Variants in DNAH11 observed in about 807,000 individuals in gnomAD.
The protein encoded by DNAH11 is dynein axonemal heavy chain 11.
A neutral mutation model predicts 526.0 loss-of-function variants in DNAH11; 442 were observed. The ratio of observed to expected loss-of-function variants is 0.84; its 90% CI spans 0.78 to 0.91. DNAH11 has a LOEUF of 0.91. Ranked by LOEUF, DNAH11 falls within the 40% of genes least tolerant of loss-of-function variation. The pLI is 0.00. For synonymous variants in DNAH11, 2,461 were observed against 1,935.9 expected, an observed-to-expected ratio of 1.27 and a Z score of -7.12; for missense variants, 6,989 against 5,448.7, an observed-to-expected ratio of 1.28 and a Z score of -8.90.
intron 2 of DNAH11, among the ~76,000 whole-genome samples, chr7:21,555,451 A>C (rs1473234934): frequency 6.6e-6 from 1 of 152,132 alleles, no homozygotes; most frequent in Non-Finnish European, 1.5e-5. Flanking sequence ...TTTGTGTCCA[A>C]GCTTTTCCCT....
chr7:21,602,371 A>T (rs777401008), intron 18 of DNAH11, among the ~76,000 whole-genome samples: 5 of 152,048 alleles, frequency 3.3e-5, no homozygotes, highest in Non-Finnish European at 7.4e-5. Flanking sequence ...AAATAAATGA[A>T]ACTCAATTTG....
chr7:21,708,650 C>A (rs1436148797), intron 40 of DNAH11, among the ~76,000 whole-genome samples: 2 of 152,166 alleles, frequency 1.3e-5, no homozygotes, highest in Non-Finnish European at 2.9e-5. Context: ...ATCCCACCAT[C>A]CCTGACTTCA....
intron 35 of DNAH11, among the ~76,000 whole-genome samples, chr7:21,694,568 A>G (rs1431435807): frequency 6.6e-6 from 1 of 152,144 alleles, no homozygotes; most frequent in East Asian, 1.9e-4. Flanking sequence ...CATGGTGTGT[A>G]TGTGCCACAT....
At chr7:21,601,732 TTG>T (rs1785100899) in intron 18 of DNAH11, 114 bp downstream of exon 18, 3 of 721,250 alleles carry the variant, frequency 4.2e-6, no homozygotes, top group South Asian at 1.2e-4. Context: ...CTGTACACAT[TTG>T]ATGTTTTCAA....
intron 54 of DNAH11, among the ~76,000 whole-genome samples, chr7:21,752,906 G>A (rs1786474189): frequency 6.6e-6 from 1 of 152,022 alleles, no homozygotes; most frequent in Non-Finnish European, 1.5e-5. Flanking sequence ...TAGAGACGGG[G>A]TTTCACCATG....
At chr7:21,605,512 T>C (rs1785245552) in intron 18 of DNAH11, among the ~76,000 whole-genome samples, 2 of 152,208 alleles carry the variant, frequency 1.3e-5, no homozygotes, top group East Asian at 1.9e-4. Flanking sequence ...TCTTTTGTCC[T>C]ACATAGAGTA....
chr7:21,704,533 G>C lies in DNAH11; in HGVS notation c.6373G>C (p.Asp2125His). ...GGTCGGTGACCTGTTTCCAGCCCTG[G>C]ATGTGCCCCGGAGGAGGAAGCTGCA... is the stretch of plus-strand genomic sequence containing the variant. ...GLVGDLFPAL[D>H]VPRRRKLHFE... The change falls in exon 38 of 82, where the codon GAT becomes CAT. Residue 2125 changes from aspartate (D) to histidine (H), a missense_variant. Physicochemically the swap from Asp to His is moderately conservative, Grantham distance 81. Transcript: ENST00000409508. 1.2e-6 allele frequency: 2 copies of C among 1,613,860 alleles called. No individual in the cohort carries two copies. The highest frequency in any genetic ancestry group is 1.7e-6 in the Non-Finnish European group (2 of 1,179,828).
At chr7:21,614,967 C>T (rs1785696179) in intron 20 of DNAH11, 147 bp from the exon 21 acceptor site, 1 of 919,354 alleles carries the variant, frequency 1.1e-6, no homozygotes, top group South Asian at 2.0e-5. Context: ...CTAAAACCTA[C>T]ATTTTGCCAG....
chr7:21,717,122 G>A (rs189036372), intron 42 of DNAH11, among the ~76,000 whole-genome samples: 85 of 151,982 alleles, frequency 5.6e-4, no homozygotes, highest in Non-Finnish European at 1.0e-3. Context: ...GTCATGCTTT[G>A]TTTTACTGAT....
intron 30 of DNAH11, among the ~76,000 whole-genome samples, chr7:21,676,925 G>A (rs961723818): frequency 6.6e-6 from 1 of 152,086 alleles, no homozygotes; most frequent in Non-Finnish European, 1.5e-5. Context: ...GGTTGTTATT[G>A]TACATTAATT....
intron 14 of DNAH11, among the ~76,000 whole-genome samples, chr7:21,598,432 A>G (rs571271468): frequency 1.1e-4 from 16 of 152,224 alleles, no homozygotes; most frequent in Admixed American, 9.2e-4. Context: ...TTTTGCCCCA[A>G]CTGGCTTGTC....
chr7:21,852,913 G>A (rs2128024400), intron 67 of DNAH11, among the ~76,000 whole-genome samples: 1 of 152,298 alleles, frequency 6.6e-6, no homozygotes, highest in East Asian at 1.9e-4. Flanking sequence ...GAGGCCTGCT[G>A]GCTTCTATGG....
chr7:21,551,925 C>T (rs550991347), intron 2 of DNAH11, among the ~76,000 whole-genome samples: 1 of 152,146 alleles, frequency 6.6e-6, no homozygotes, highest in Non-Finnish European at 1.5e-5. Context: ...TAACTATCTC[C>T]TGGCTTTTGA....
At chr7:21,698,960 C>T (rs1283641580) in intron 36 of DNAH11, among the ~76,000 whole-genome samples, 1 of 151,528 alleles carries the variant, frequency 6.6e-6, no homozygotes, top group Non-Finnish European at 1.5e-5. Flanking sequence ...TTATTTTTTT[C>T]TGAAATTTTG....
In DNAH11 at chr7:21,545,087, G is replaced by C; in HGVS notation, c.433G>C (p.Val145Leu). The change falls in exon 2 of 82, where the codon GTG (valine) becomes CTG (leucine). Residue 145 changes from valine to leucine, a missense_variant. Val to Leu is a conservative substitution (Grantham distance 32, BLOSUM62 1). Transcript: ENST00000409508. ...CATTGGAGTAAATGACTTTTCTCAAGTGGTTTTATTTGGAGAGTTACCTGC... is the reference window on the plus strand; with the variant it reads ...CATTGGAGTAAATGACTTTTCTCAACTGGTTTTATTTGGAGAGTTACCTGC... ...ESIGVNDFSQ[V>L]VLFGELPALS... 1 of 1,609,526 alleles carries C rather than the reference G, an allele frequency of 6.2e-7. No homozygotes were observed. Among genetic ancestry groups the C allele is most frequent in the Non-Finnish European group, 8.5e-7 (1 of 1,177,536 alleles).
chr7:21,860,354 A>T (rs1783011083), intron 68 of DNAH11, among the ~76,000 whole-genome samples: 2 of 152,178 alleles, frequency 1.3e-5, no homozygotes, highest in Admixed American at 6.5e-5. Context: ...GGGGGTGCAC[A>T]ATGGCACAGC....
chr7:21,681,870 A>G (rs1434348826), intron 31 of DNAH11, 193 bp downstream of exon 31: 1 of 739,940 alleles, frequency 1.4e-6, no homozygotes, highest in African/African-American at 1.7e-5. Context: ...ACCTATTCCA[A>G]GTGATATCCC....
Position 21,741,940 on chromosome 7 carries a change from T to C in DNAH11, c.7928T>C (p.Val2643Ala), listed in dbSNP as rs1189265891. The C allele has an allele frequency of 2.2e-5, 36 of 1,613,848 alleles. No individual in the cohort carries two copies. Among genetic ancestry groups the C allele is most frequent in the Non-Finnish European group, 2.8e-5 (33 of 1,179,838 alleles). Residue 2643 changes from valine (V) to alanine (A), a missense_variant, in exon 49 of 82, where the codon GTG becomes GCG. Val to Ala is a moderately conservative substitution (Grantham distance 64). Coordinates refer to ENST00000409508, the MANE Select transcript of DNAH11 (RefSeq NM_001277115.2). ...TTTTCTTTTCAGAGACATTTCACAG[T>C]GTTTGCATTCAATTTTCCATCTTTG... is the stretch of plus-strand genomic sequence containing the variant. ...INPRLQRHFT[V>A]FAFNFPSLDA...
chr7:21,655,853 C>T lies in DNAH11; in HGVS notation c.4966C>T (p.Leu1656Phe). The T allele has an allele frequency of 3.1e-6, 5 of 1,613,136 alleles. No homozygotes were observed. Among genetic ancestry groups the T allele is most frequent in the Non-Finnish European group, 4.2e-6 (5 of 1,179,460 alleles). The change falls in exon 29 of 82, where the codon CTT (leucine) becomes TTT (phenylalanine). Residue 1656 changes from leucine (L) to phenylalanine (F), a missense_variant. By Grantham distance (22) the Leu-to-Phe change is conservative. Coordinates refer to ENST00000409508, the MANE Select transcript of DNAH11 (RefSeq NM_001277115.2). Reference protein sequence around the residue: ...PKQVTCHLAKLFDSIADLQFE... With the variant: ...PKQVTCHLAKFFDSIADLQFE... The stretch of plus-strand genomic sequence containing the variant: ...TTAGGTAACATGTCACCTTGCCAAA[C>T]TTTTCGACAGCATTGCAGATCTGCA...
Sources: gnomAD v4.1 joint callset for allele counts (sites outside exome capture counted in the v4.1 genomes callset) on GRCh38, gnomAD v4.1.1 for gene constraint, MANE v1.5 for transcripts, NCBI Gene and HGNC (gene_info 2026-07-23, HGNC 2026-07-21) for gene names.